Variants in RNF220 observed in about 807,000 individuals in gnomAD.
The protein encoded by RNF220 is E3 ubiquitin-protein ligase RNF220.
A neutral mutation model predicts 67.1 loss-of-function variants in RNF220; 7 were observed. That is an observed-to-expected ratio of 0.10 (90% CI 0.06 to 0.20). The LOEUF (loss-of-function observed/expected upper bound fraction) is 0.20. Ranked by LOEUF, RNF220 falls within the 10% of genes least tolerant of loss-of-function variation. RNF220 has a pLI of 1.00. For missense variants in RNF220, 565 were observed against 740.3 expected (o/e 0.76, Z 2.75); for synonymous variants, 270 against 283.2 (o/e 0.95, Z 0.47).
At chr1:44,549,189 G>C (rs1019317151) in intron 2 of RNF220, among the ~76,000 whole-genome samples, 1 of 152,048 alleles carries the variant, frequency 6.6e-6, no homozygotes, top group Non-Finnish European at 1.5e-5. Context: ...ACTCTGTCTC[G>C]GGAAAAACAA....
At chr1:44,638,028 AGGCTGAGGCTCCTCAGTGGGGG>A (rs1443404631) in intron 8 of RNF220, among the ~76,000 whole-genome samples, 1 of 152,194 alleles carries the variant, frequency 6.6e-6, no homozygotes, top group Non-Finnish European at 1.5e-5. Context: ...GGAGCGGAGG[AGGCTGAGGCTCCTCAGTGGGGG>A]GGCTATCAAA....
chr1:44,465,992 T>C (rs549496298), intron 2 of RNF220, among the ~76,000 whole-genome samples: 2 of 152,334 alleles, frequency 1.3e-5, no homozygotes, highest in East Asian at 3.9e-4. Flanking sequence ...GTTTGCCACA[T>C]TGACTTTTTA....
At chr1:44,446,151 C>G (rs16831965) in intron 2 of RNF220, among the ~76,000 whole-genome samples, 22,917 of 152,140 alleles carry the variant, frequency 0.15, 2,472 homozygotes, top group African/African-American at 0.31. Flanking sequence ...TGAGTATTAA[C>G]TTTGCAGAGA....
chr1:44,605,759 A>C (rs1026778535), intron 2 of RNF220, among the ~76,000 whole-genome samples: 2 of 152,182 alleles, frequency 1.3e-5, no homozygotes, highest in Non-Finnish European at 2.9e-5. Context: ...AAGGATGAGG[A>C]AGAGTTAGCC....
At chr1:44,416,012 CA>C (rs1236263429) in intron 2 of RNF220, among the ~76,000 whole-genome samples, 1 of 145,906 alleles carries the variant, frequency 6.9e-6, no homozygotes, top group East Asian at 2.0e-4. Context: ...CGATTTGGGT[CA>C]AGCATCATCT....
intron 2 of RNF220, among the ~76,000 whole-genome samples, chr1:44,507,697 C>T (rs533817827): frequency 9.1e-4 from 138 of 152,224 alleles, no homozygotes; most frequent in East Asian, 7.7e-4. Context: ...AATGAAGCCC[C>T]GCCAGCACAG....
chr1:44,553,483 G>A (rs1662836486), intron 2 of RNF220, among the ~76,000 whole-genome samples: 1 of 152,100 alleles, frequency 6.6e-6, no homozygotes, highest in Non-Finnish European at 1.5e-5. Flanking sequence ...AAAACGAGAT[G>A]ACTTCTTTTT....
In RNF220 at chr1:44,645,096, A is replaced by C; in HGVS notation, c.1310+15A>C. 6.2e-7 allele frequency: 1 copy of C among 1,613,974 alleles called. No individual in the cohort carries two copies. Among genetic ancestry groups the C allele is most frequent in the Non-Finnish European group, 8.5e-7 (1 of 1,179,850 alleles). ...GCAGTCCTAAAGCAAGTGTGGGCACAGGCTTGGGCGGGTGGAGCAGAGAAA... is the reference window on the plus strand; with the variant it reads ...GCAGTCCTAAAGCAAGTGTGGGCACCGGCTTGGGCGGGTGGAGCAGAGAAA... On this transcript the variant is annotated intron_variant, in intron 10 of 14. Transcript: ENST00000361799. This position sits in a 1 kb window ranked among gnomAD's most constrained non-coding sequence, Gnocchi z 5.0.
chr1:44,472,613 C>T (rs1654913055), intron 2 of RNF220, among the ~76,000 whole-genome samples: 1 of 152,148 alleles, frequency 6.6e-6, no homozygotes, highest in Admixed American at 6.6e-5. Context: ...TTCCCAATTG[C>T]CTACAGGATA....
chr1:44,537,603 G>T (rs890975452), intron 2 of RNF220, among the ~76,000 whole-genome samples: 4 of 152,072 alleles, frequency 2.6e-5, no homozygotes, highest in African/African-American at 9.7e-5. Flanking sequence ...CTCTTCAGAG[G>T]GAGTCTATTC....
intron 2 of RNF220, among the ~76,000 whole-genome samples, chr1:44,475,742 A>C (rs563620104): frequency 6.8e-6 from 1 of 147,436 alleles, no homozygotes; most frequent in African/African-American, 2.6e-5. Context: ...GGCTGGGCGC[A>C]GTGGCTCACA....
chr1:44,479,014 A>T (rs1655549961), intron 2 of RNF220, among the ~76,000 whole-genome samples: 1 of 152,030 alleles, frequency 6.6e-6, no homozygotes, highest in African/African-American at 2.4e-5. Context: ...TACTTGTAGA[A>T]ATTTGGGGCC....
chr1:44,540,399 A>G (rs1472135469), intron 2 of RNF220, among the ~76,000 whole-genome samples: 1 of 152,340 alleles, frequency 6.6e-6, no homozygotes, highest in East Asian at 1.9e-4. Context: ...AAAGCGTTGA[A>G]CTGTACCACA....
intron 2 of RNF220, among the ~76,000 whole-genome samples, chr1:44,585,574 T>C (rs1665636899): frequency 6.6e-6 from 1 of 152,218 alleles, no homozygotes; most frequent in Non-Finnish European, 1.5e-5. Context: ...TGCATTTCAG[T>C]CATTTGTTTG....
chr1:44,430,252 A>C (rs1650220186), intron 2 of RNF220, among the ~76,000 whole-genome samples: 1 of 152,142 alleles, frequency 6.6e-6, no homozygotes, highest in African/African-American at 2.4e-5. Flanking sequence ...GTATTTGAAT[A>C]GTTAACATGT....
intron 2 of RNF220, among the ~76,000 whole-genome samples, chr1:44,589,824 AC>A (rs1665988331): frequency 1.3e-5 from 2 of 152,124 alleles, no homozygotes; most frequent in Admixed American, 1.3e-4. Flanking sequence ...TATAAACAAC[AC>A]CTAAGCTGGG....
intron 2 of RNF220, among the ~76,000 whole-genome samples, chr1:44,503,360 C>G (rs1024029916): frequency 2.2e-5 from 3 of 133,610 alleles, no homozygotes; most frequent in African/African-American, 8.2e-5. Flanking sequence ...AAAAAAGAAG[C>G]GTTTACCAAG....
chr1:44,575,809 A>C (rs920077075), intron 2 of RNF220, among the ~76,000 whole-genome samples: 1 of 152,236 alleles, frequency 6.6e-6, no homozygotes, highest in Non-Finnish European at 1.5e-5. Context: ...TATTTATCCA[A>C]AGGGAAGAAA....
chr1:44,598,591 A>G (rs931134228), intron 2 of RNF220, among the ~76,000 whole-genome samples: 3 of 152,196 alleles, frequency 2.0e-5, no homozygotes, highest in Non-Finnish European at 4.4e-5. Context: ...GCTTGGGCCC[A>G]CAGAGAGGCC....
Sources: allele counts gnomAD v4.1 joint callset (sites outside exome capture counted in the v4.1 genomes callset), GRCh38; gene constraint gnomAD v4.1.1; non-coding constraint Gnocchi (gnomAD v3.1); transcripts MANE v1.5; gene names NCBI Gene and HGNC (gene_info 2026-07-23, HGNC 2026-07-21).